The following CHAF1A variants were observed in gnomAD, a reference collection of about 807,000 sequenced individuals.
The protein encoded by CHAF1A is CAF-1 subunit A.
In CHAF1A, 5 loss-of-function variants were observed where a neutral mutation model predicts 93.2. That is an observed-to-expected ratio of 0.05 (90% CI 0.03 to 0.11). CHAF1A has a LOEUF of 0.11. CHAF1A is among the 10% of genes least tolerant of loss of function. The pLI is 1.00. For missense variants in CHAF1A, 1,102 were observed against 1,259.9 expected (o/e 0.87, Z 1.90); for synonymous variants, 504 against 510.3 (o/e 0.99, Z 0.17).
At chr19:4,437,963 G>A (rs1476613532) in intron 13 of CHAF1A, among the ~76,000 whole-genome samples, 1 of 152,048 alleles carries the variant, frequency 6.6e-6, no homozygotes, top group South Asian at 2.1e-4. Context: ...GGATGGTCCC[G>A]ATCTCCTGAC....
Position 4,433,030 on chromosome 19 carries a change from C to T in CHAF1A, c.2204-40C>T, listed in dbSNP as rs559977508. On this transcript the variant is annotated intron_variant, in intron 12 of 14. Coordinates refer to ENST00000301280, the MANE Select transcript of CHAF1A (RefSeq NM_005483.3). The surrounding 1 kb of genome is among the most constrained non-coding windows in gnomAD (Gnocchi z 5.6). The stretch of plus-strand genomic sequence containing the variant: ...TTTTTTGGCCTGTGGTGATGGGTGG[C>T]TCCCCAAGCCTCATGCCCACCCATG... 1.4e-6 allele frequency: 2 copies of T among 1,451,444 alleles called. No homozygotes were observed. Among genetic ancestry groups the T allele is most frequent in the Admixed American group, 4.6e-5 (2 of 43,484 alleles). 89.9% of individuals were successfully genotyped at this position (1,451,444 alleles called of 1,614,324 possible).
Position 4,443,211 on chromosome 19 carries a change from A to G in CHAF1A, c.*186A>G, listed in dbSNP as rs1360270875. 1 of 613,574 alleles carries G rather than the reference A, an allele frequency of 1.6e-6. No homozygotes were observed. Among genetic ancestry groups the G allele is most frequent in the Non-Finnish European group, 3.0e-6 (1 of 335,282 alleles). The allele number at this position is 613,574 out of a possible 1,614,324, so 38.0% of individuals were successfully genotyped here. A position where few individuals can be genotyped will look rare whatever the true frequency, so the allele number is the denominator to read the frequency against. The stretch of plus-strand genomic sequence containing the variant: ...TTGTAAAAATTCCCCCAAGAGCCGC[A>G]TATGAATCTGCCCTTTAATAAAGCA... On this transcript the variant is annotated 3_prime_UTR_variant, in exon 15 of 15. Coordinates refer to ENST00000301280, the MANE Select transcript of CHAF1A (RefSeq NM_005483.3).
downstream of CHAF1A, chr19:4,445,999 G>C: frequency 6.4e-7 from 1 of 1,551,618 alleles, no homozygotes; most frequent in Non-Finnish European, 8.7e-7. Flanking sequence ...GGTCCCAGGA[G>C]AACCTGCAGA....
intron 3 of CHAF1A, among the ~76,000 whole-genome samples, chr19:4,411,527 G>A (rs1973797773): frequency 6.6e-6 from 1 of 151,754 alleles, no homozygotes; most frequent in South Asian, 2.1e-4. Flanking sequence ...ACTGTGCTTG[G>A]CCAAGAGCAT....
downstream of CHAF1A, chr19:4,446,069 C>G: frequency 6.2e-6 from 10 of 1,612,320 alleles, no homozygotes; most frequent in Non-Finnish European, 8.5e-6. Context: ...TCGTTCAAGG[C>G]CAGGTTCTCG....
Position 4,418,925 on chromosome 19 carries a change from C to T in CHAF1A, c.1017+849C>T, listed in dbSNP as rs4807588. 4.9e-4 allele frequency among the ~76,000 whole-genome samples: 74 copies of T among 151,880 alleles called. 1 individual carries two copies. The highest frequency in any genetic ancestry group is 9.9e-4 in the Non-Finnish European group (67 of 67,966). On this transcript the variant is annotated intron_variant, in intron 4 of 14. Coordinates refer to ENST00000301280, the MANE Select transcript of CHAF1A (RefSeq NM_005483.3). ...GTCACCAGACTGGAGTGCAGTGGCA[C>T]GATCTCGGCTCACTGCAACCTCTGC...
In CHAF1A at chr19:4,442,320, G is replaced by A. The variant is rs746581751; in HGVS notation, c.2749G>A (p.Val917Met). 2.1e-5 allele frequency: 34 copies of A among 1,606,442 alleles called. 1 individual carries two copies. Among genetic ancestry groups the A allele is most frequent in the South Asian group, 4.4e-5 (4 of 89,926 alleles). The change falls in exon 14 of 15, where the codon GTG (valine) becomes ATG (methionine). Residue 917 changes from valine (V) to methionine (M), a missense_variant. By Grantham distance (21) the Val-to-Met change is conservative. This residue lies in a region of CHAF1A where 119 missense variants were observed against 102.2 expected (regional missense o/e 1.16). Coordinates refer to ENST00000301280, the MANE Select transcript of CHAF1A (RefSeq NM_005483.3). The stretch of plus-strand genomic sequence containing the variant: ...AGAGGAGGAGGGCGACTGTATGATC[G>A]TGGATGTCCCGGATGCTGCGGGTGA... ...EEEEEGDCMIVDVPDAAEVQA... is the reference protein window; with the variant it reads ...EEEEEGDCMIMDVPDAAEVQA...
Position 4,433,192 on chromosome 19 carries a change from C to T in CHAF1A, c.2326C>T (p.Pro776Ser), listed in dbSNP as rs752509074. 6.2e-6 allele frequency: 10 copies of T among 1,613,632 alleles called. No homozygotes were observed. In the Admixed American group the frequency reaches 1.5e-4, roughly 24 times the overall value. Residue 776 changes from proline to serine, a missense_variant, in exon 13 of 15, where the codon CCC becomes TCC. Pro to Ser is a moderately conservative substitution (Grantham distance 74). Around this residue, in one of 6 missense-constraint regions of CHAF1A, gnomAD observed 335 missense variants for 361.9 expected, o/e 0.93. Transcript: ENST00000301280. The surrounding 1 kb of genome is among the most constrained non-coding windows in gnomAD (Gnocchi z 5.6). ...LSNHTGSPRS[P>S]STTYLHTPTP... ...CAACCACACCGGCAGCCCGCGGAGC[C>T]CCTCCACCACCTACCTGCACACCCC...
chr19:4,428,653 C>T lies in CHAF1A; in HGVS notation c.1378-11C>T, dbSNP rs1186348691. On this transcript the variant is annotated splice_polypyrimidine_tract_variant and intron_variant, in intron 7 of 14. Transcript: ENST00000301280. Reference sequence around the variant, plus strand: ...GCTCGAAGACCCCATCGGGTCTCTTCTTGATTTCAGACCCTGGCCGGCTCC... The same window carrying T: ...GCTCGAAGACCCCATCGGGTCTCTTTTTGATTTCAGACCCTGGCCGGCTCC... The T allele has an allele frequency of 1.9e-6, 3 of 1,612,006 alleles. No homozygotes were observed. Among genetic ancestry groups the T allele is most frequent in the African/African-American group, 1.3e-5 (1 of 74,880 alleles).
intron 14 of CHAF1A, 85 bp from the exon 15 acceptor site, chr19:4,442,839 GC>G: frequency 1.0e-6 from 1 of 989,008 alleles, no homozygotes; most frequent in Non-Finnish European, 1.5e-6. Context: ...GTTGTTGCAG[GC>G]CCCATGAGGC....
At chr19:4,441,069 G>A (rs75441397) in intron 13 of CHAF1A, among the ~76,000 whole-genome samples, 5 of 151,406 alleles carry the variant, frequency 3.3e-5, no homozygotes, top group Non-Finnish European at 5.9e-5. Flanking sequence ...TGTAATCCCA[G>A]CACTTTGGGA....
chr19:4,410,929 G>A (rs1489579978), intron 3 of CHAF1A, among the ~76,000 whole-genome samples: 1 of 152,216 alleles, frequency 6.6e-6, no homozygotes, highest in Non-Finnish European at 1.5e-5. Flanking sequence ...GCACAATGGT[G>A]TCCTTAAGGT....
intron 7 of CHAF1A, among the ~76,000 whole-genome samples, chr19:4,427,248 C>G (rs1435297689): frequency 7.2e-6 from 1 of 139,370 alleles, no homozygotes; most frequent in Admixed American, 7.5e-5. Context: ...CTCCCAGATC[C>G]AAACGATTCT....
intron 13 of CHAF1A, among the ~76,000 whole-genome samples, chr19:4,434,922 T>C (rs1974254465): frequency 6.6e-6 from 1 of 152,004 alleles, no homozygotes; most frequent in South Asian, 2.1e-4. Context: ...CCCTGGGGTG[T>C]GTGATGGGGG....
chr19:4,409,167 C>T lies in CHAF1A; in HGVS notation c.368C>T (p.Ser123Leu), dbSNP rs140374238. 1.8e-5 allele frequency: 29 copies of T among 1,614,038 alleles called. No homozygotes were observed. The highest frequency in any genetic ancestry group is 4.5e-5 in the East Asian group (2 of 44,900). The change falls in exon 3 of 15, where the codon TCG (serine) becomes TTG (leucine). Residue 123 changes from serine to leucine, a missense_variant. This residue lies in a region of CHAF1A where 379 missense variants were observed against 365.7 expected (regional missense o/e 1.04). Coordinates refer to ENST00000301280, the MANE Select transcript of CHAF1A (RefSeq NM_005483.3). ...GTCATCATTGATTTGACAGAGGACTCGAATGAGCAGCCAGACAGTCTTGTG... is the reference window on the plus strand; with the variant it reads ...GTCATCATTGATTTGACAGAGGACTTGAATGAGCAGCCAGACAGTCTTGTG... ...STVIIDLTED[S>L]NEQPDSLVDH...
Position 4,413,287 on chromosome 19 carries a change from G to C in CHAF1A, c.960+3528G>C, listed in dbSNP as rs1253101084. Among the ~76,000 whole-genome samples, 4 of 152,212 alleles carry C rather than the reference G, an allele frequency of 2.6e-5. No homozygotes were observed. The East Asian group carries it at 5.8e-4, about 22-fold the overall frequency. On this transcript the variant is annotated intron_variant, in intron 3 of 14. Transcript: ENST00000301280. ...GGGTTTCACCGTGTTGGACAGGCTG[G>C]TCTCGAACTCCTGACCTCGTGATCC... is the stretch of plus-strand genomic sequence containing the variant.
intron 3 of CHAF1A, among the ~76,000 whole-genome samples, chr19:4,417,652 G>A (rs1274230163): frequency 2.0e-5 from 3 of 151,964 alleles, no homozygotes; most frequent in Non-Finnish European, 4.4e-5. Flanking sequence ...GTAGAGATGG[G>A]GTTTTGCCAC....
downstream of CHAF1A, chr19:4,445,877 C>T: frequency 1.7e-6 from 2 of 1,172,732 alleles, no homozygotes; most frequent in South Asian, 1.6e-5. Flanking sequence ...TAGTTATGAA[C>T]TTGCTCGAGG....
At chr19:4,436,166 G>A (rs953518153) in intron 13 of CHAF1A, among the ~76,000 whole-genome samples, 5 of 151,956 alleles carry the variant, frequency 3.3e-5, no homozygotes, top group Non-Finnish European at 5.9e-5. Context: ...AGAAAAGGTG[G>A]TCGTTAGGGG....
Sources: allele counts gnomAD v4.1 joint callset (sites outside exome capture counted in the v4.1 genomes callset), GRCh38; gene constraint gnomAD v4.1.1; regional missense constraint gnomAD v4.1.1; non-coding constraint Gnocchi (gnomAD v3.1); transcripts MANE v1.5; gene names NCBI Gene and HGNC (gene_info 2026-07-23, HGNC 2026-07-21).